CALN1: variants seen among roughly 807,000 people sequenced by gnomAD.
CALN1 encodes the protein calneuron 1.
CALN1 carries 17 observed loss-of-function variants against 30.6 expected under a neutral mutation model. The ratio of observed to expected loss-of-function variants is 0.56; its 90% confidence interval spans 0.38 to 0.83. The LOEUF is 0.83. Ranked by LOEUF, CALN1 falls within the 40% of genes least tolerant of loss-of-function variation. CALN1 has a pLI of 0.00. For synonymous variants in CALN1, 156 were observed against 131.4 expected (o/e 1.19, Z -1.28); for missense variants, 291 against 354.9 (o/e 0.82, Z 1.45).
At chr7:72,063,775 G>C (rs956412278) in intron 4 of CALN1, among the ~76,000 whole-genome samples, 1 of 152,068 alleles carries the variant, frequency 6.6e-6, no homozygotes, top group Non-Finnish European at 1.5e-5. Flanking sequence ...GCTCATTGGG[G>C]CATTTCAGAT....
intron 4 of CALN1, among the ~76,000 whole-genome samples, chr7:72,052,625 C>T (rs1003621198): frequency 2.0e-5 from 3 of 152,182 alleles, no homozygotes; most frequent in Admixed American, 6.5e-5. Context: ...TGAAAACCAC[C>T]GGGCTTCCCC....
chr7:72,393,723 T>G (rs368967411), intron 2 of CALN1, among the ~76,000 whole-genome samples: 2 of 151,460 alleles, frequency 1.3e-5, no homozygotes, highest in South Asian at 2.1e-4. Flanking sequence ...GTCGGCCATT[T>G]AGCTTATTGA....
chr7:72,389,389 G>A (rs892964756), intron 2 of CALN1, among the ~76,000 whole-genome samples: 26 of 152,104 alleles, frequency 1.7e-4, no homozygotes, highest in African/African-American at 5.6e-4. Context: ...AAAAGTGTCC[G>A]AGGCATCGTC....
chr7:72,007,096 C>T (rs1445513285), intron 5 of CALN1, among the ~76,000 whole-genome samples: 2 of 152,138 alleles, frequency 1.3e-5, no homozygotes, highest in South Asian at 2.1e-4. Context: ...CAACCAAATC[C>T]CCAATTTTTA....
At chr7:72,093,888 A>G (rs990935862) in intron 4 of CALN1, among the ~76,000 whole-genome samples, 6 of 152,208 alleles carry the variant, frequency 3.9e-5, no homozygotes, top group Non-Finnish European at 8.8e-5. Flanking sequence ...AAGGAGTGGG[A>G]CCTGAGATTC....
At chr7:72,053,884 C>G (rs1032369220) in intron 4 of CALN1, among the ~76,000 whole-genome samples, 7 of 148,834 alleles carry the variant, frequency 4.7e-5, no homozygotes, top group African/African-American at 1.7e-4. Flanking sequence ...TGAGAACATA[C>G]GATGCTTAGT....
chr7:72,341,088 C>G (rs1464335883), intron 2 of CALN1, among the ~76,000 whole-genome samples: 2 of 152,176 alleles, frequency 1.3e-5, no homozygotes, highest in Non-Finnish European at 2.9e-5. Flanking sequence ...GGGTCGCAGG[C>G]AGATGAACAG....
intron 3 of CALN1, among the ~76,000 whole-genome samples, chr7:72,185,665 CGTGTTGTGGG>C (rs1790135758): frequency 6.6e-6 from 1 of 152,160 alleles, no homozygotes; most frequent in Non-Finnish European, 1.5e-5. Flanking sequence ...ATAATTCCCA[CGTGTTGTGGG>C]AGGGACACAG....
the CALN1 span, among the ~76,000 whole-genome samples, chr7:72,500,801 C>T: frequency 6.6e-6 from 1 of 151,962 alleles, no homozygotes; most frequent in Non-Finnish European, 1.5e-5. Flanking sequence ...TTTTTGTTTA[C>T]AATGTCCAGT....
At chr7:72,160,913 G>A (rs1788064295) in intron 3 of CALN1, among the ~76,000 whole-genome samples, 1 of 152,168 alleles carries the variant, frequency 6.6e-6, no homozygotes, top group South Asian at 2.1e-4. Flanking sequence ...AGAAAGCTAG[G>A]AGAAGTCAAA....
chr7:72,019,509 C>G (rs564286158), intron 5 of CALN1, among the ~76,000 whole-genome samples: 38 of 152,306 alleles, frequency 2.5e-4, no homozygotes, highest in African/African-American at 8.9e-4. Context: ...ATTGCTCTTG[C>G]CTAGCACTGT....
At chr7:72,478,636 T>C in the CALN1 span, among the ~76,000 whole-genome samples, 6 of 151,784 alleles carry the variant, frequency 4.0e-5, no homozygotes, top group Admixed American at 3.9e-4. Flanking sequence ...TCTCAGGGCC[T>C]AGTAAGGTGT....
intron 5 of CALN1, among the ~76,000 whole-genome samples, chr7:71,845,010 A>T (rs1204296681): frequency 3.3e-5 from 5 of 152,130 alleles, no homozygotes; most frequent in Admixed American, 6.5e-5. Context: ...CAGCCTCCCA[A>T]CTAGCTGGGA....
At chr7:72,035,677 C>T (rs981876699) in intron 4 of CALN1, among the ~76,000 whole-genome samples, 2 of 152,084 alleles carry the variant, frequency 1.3e-5, no homozygotes, top group Non-Finnish European at 2.9e-5. Flanking sequence ...AAGTTATACA[C>T]TCTAATTTGG....
intron 6 of CALN1, among the ~76,000 whole-genome samples, chr7:71,800,128 C>T (rs1030077434): frequency 6.6e-6 from 1 of 152,236 alleles, no homozygotes; most frequent in Non-Finnish European, 1.5e-5. Context: ...AACGCTGTGA[C>T]TTCAGCGGGG....
At chr7:72,335,479 G>A (rs1801955510) in intron 2 of CALN1, among the ~76,000 whole-genome samples, 1 of 152,164 alleles carries the variant, frequency 6.6e-6, no homozygotes, top group South Asian at 2.1e-4. Context: ...CTGTCGCAGA[G>A]GCTACTGTGG....
At chr7:72,281,103 C>T (rs1362477892) in intron 2 of CALN1, among the ~76,000 whole-genome samples, 1 of 151,822 alleles carries the variant, frequency 6.6e-6, no homozygotes, top group African/African-American at 2.4e-5. Context: ...GAAACCATGC[C>T]ATTGCTCTCC....
At chr7:72,163,708 A>C (rs1788308080) in intron 3 of CALN1, among the ~76,000 whole-genome samples, 1 of 152,198 alleles carries the variant, frequency 6.6e-6, no homozygotes, top group Non-Finnish European at 1.5e-5. Context: ...GAATTTGAAG[A>C]CAGATCAATA....
intron 3 of CALN1, among the ~76,000 whole-genome samples, chr7:72,233,860 C>T (rs910031595): frequency 6.6e-6 from 1 of 151,904 alleles, no homozygotes; most frequent in African/African-American, 2.4e-5. Context: ...AAAAATCAGC[C>T]AGGCACAGTG....
Sources: allele counts gnomAD v4.1 joint callset (sites outside exome capture counted in the v4.1 genomes callset), GRCh38; gene constraint gnomAD v4.1.1; transcripts MANE v1.5; gene names NCBI Gene and HGNC (gene_info 2026-07-23, HGNC 2026-07-21).